RSRC1: variants seen among roughly 807,000 people sequenced by gnomAD.
RSRC1 encodes arginine and serine rich coiled-coil 1.
RSRC1 carries 39 observed loss-of-function variants against 49.1 expected under a neutral mutation model. The ratio of observed to expected loss-of-function variants is 0.79; its 90% CI spans 0.61 to 1.04. The LOEUF is 1.04. Ranked by LOEUF, RSRC1 falls within the 50% of genes least tolerant of loss-of-function variation. The pLI, the probability that RSRC1 is intolerant of heterozygous loss-of-function variation, is 0.00. For missense variants in RSRC1, 388 were observed against 402.4 expected (o/e 0.96, Z 0.31); for synonymous variants, 143 against 130.8 (o/e 1.09, Z -0.63).
At chr3:158,194,597 T>C (rs1220760159) in intron 3 of RSRC1, among the ~76,000 whole-genome samples, 2 of 151,562 alleles carry the variant, frequency 1.3e-5, no homozygotes, top group East Asian at 3.9e-4. Context: ...GCTGCACCCA[T>C]TAACTCGTCG....
At chr3:158,443,596 C>T (rs1033631067) in intron 6 of RSRC1, among the ~76,000 whole-genome samples, 6 of 152,158 alleles carry the variant, frequency 3.9e-5, no homozygotes, top group African/African-American at 1.4e-4. Flanking sequence ...TCTACCTAGA[C>T]CACTCAAACT....
intron 4 of RSRC1, among the ~76,000 whole-genome samples, chr3:158,258,728 T>C (rs1724719233): frequency 6.6e-6 from 1 of 152,156 alleles, no homozygotes; most frequent in Non-Finnish European, 1.5e-5. Context: ...GTGTGCTTCA[T>C]GTTTTTTTAT....
chr3:158,190,133 C>T (rs1720152417), intron 3 of RSRC1, among the ~76,000 whole-genome samples: 1 of 151,934 alleles, frequency 6.6e-6, no homozygotes, highest in African/African-American at 2.4e-5. Context: ...AGACTGATAT[C>T]AACTTGTCTT....
rs544413563 is a variant in RSRC1, at chr3:158,196,422, G to T, written c.321-6650G>T. ...GGGGCTGAGACAGTGGGATTTTCTA[G>T]ATATACAATCACGTCATCTGCAAAC... On this transcript the variant is annotated intron_variant, in intron 3 of 9. Transcript: ENST00000611884. 1.9e-3 allele frequency among the ~76,000 whole-genome samples: 288 copies of T among 152,246 alleles called. 2 individuals are homozygous for T. The highest frequency in any genetic ancestry group is 6.7e-3 in the African/African-American group (278 of 41,544).
At chr3:158,478,947 G>GA (rs1491197957) in intron 7 of RSRC1, among the ~76,000 whole-genome samples, 2,156 of 44,550 alleles carry the variant, frequency 0.048, 63 homozygotes, top group African/African-American at 0.17. Flanking sequence ...AGGAGAAAAA[G>GA]CAAAAAAAAA....
intron 3 of RSRC1, among the ~76,000 whole-genome samples, chr3:158,200,845 TA>T (rs1721003754): frequency 1.3e-5 from 2 of 152,128 alleles, no homozygotes; most frequent in East Asian, 3.8e-4. Flanking sequence ...AACCTTAGAG[TA>T]AAATGCTATT....
At chr3:158,223,362 A>C (rs1287224833) in intron 4 of RSRC1, among the ~76,000 whole-genome samples, 1 of 151,670 alleles carries the variant, frequency 6.6e-6, no homozygotes, top group East Asian at 1.9e-4. Context: ...GATTGTAAAT[A>C]TTTTAGGCTT....
intron 4 of RSRC1, among the ~76,000 whole-genome samples, chr3:158,213,023 C>T (rs1181376592): frequency 6.6e-6 from 1 of 151,894 alleles, no homozygotes; most frequent in Non-Finnish European, 1.5e-5. Flanking sequence ...AACCATAATG[C>T]TTGATTGACA....
At chr3:158,461,936 A>C (rs1310525613) in intron 7 of RSRC1, among the ~76,000 whole-genome samples, 1 of 151,452 alleles carries the variant, frequency 6.6e-6, no homozygotes, top group East Asian at 1.9e-4. Flanking sequence ...GATTCAGTAA[A>C]ACCCAAAGTA....
intron 5 of RSRC1, among the ~76,000 whole-genome samples, chr3:158,350,062 A>G (rs950248402): frequency 1.3e-5 from 2 of 149,412 alleles, no homozygotes; most frequent in Non-Finnish European, 3.0e-5. Flanking sequence ...AGTCATATTT[A>G]TATTCTCTAT....
intron 6 of RSRC1, among the ~76,000 whole-genome samples, chr3:158,457,431 T>G (rs924167016): frequency 1.3e-5 from 2 of 152,096 alleles, no homozygotes; most frequent in African/African-American, 4.8e-5. Context: ...AGAGATAGAT[T>G]GTGAGTTCAA....
At chr3:158,426,431 T>A (rs557844678) in intron 6 of RSRC1, among the ~76,000 whole-genome samples, 15 of 151,524 alleles carry the variant, frequency 9.9e-5, no homozygotes, top group Admixed American at 5.9e-4. Flanking sequence ...GGAGAGTAAC[T>A]CTAGTGGTCA....
intron 4 of RSRC1, among the ~76,000 whole-genome samples, chr3:158,267,326 G>C (rs77850462): frequency 0.024 from 3,674 of 152,086 alleles, 158 homozygotes; most frequent in African/African-American, 0.084. Flanking sequence ...AGTGATTTTT[G>C]TTCATGTTTA....
chr3:158,379,932 C>A (rs993274907), intron 6 of RSRC1, among the ~76,000 whole-genome samples: 1 of 151,888 alleles, frequency 6.6e-6, no homozygotes, highest in East Asian at 2.0e-4. Context: ...TCTGTCTCTA[C>A]CCACTAGAAT....
intron 4 of RSRC1, among the ~76,000 whole-genome samples, chr3:158,290,392 C>G (rs1390074460): frequency 1.3e-5 from 2 of 152,016 alleles, no homozygotes; most frequent in Non-Finnish European, 2.9e-5. Flanking sequence ...CCTGCCTCAG[C>G]CTCCCAAGTA....
intron 3 of RSRC1, among the ~76,000 whole-genome samples, chr3:158,159,818 A>C (rs13086348): frequency 0.59 from 90,228 of 151,846 alleles, 27,063 homozygotes; most frequent in East Asian, 0.71. Context: ...TCATTATTTG[A>C]CTTACGAGCT....
At chr3:158,357,736 G>A (rs1332753705) in intron 6 of RSRC1, among the ~76,000 whole-genome samples, 1 of 152,138 alleles carries the variant, frequency 6.6e-6, no homozygotes, top group African/African-American at 2.4e-5. Context: ...AATGGATAGG[G>A]AAGTCTAGTA....
Position 158,340,880 on chromosome 3 carries a change from C to G in RSRC1, c.532-13977C>G, listed in dbSNP as rs1350346191. Among the ~76,000 whole-genome samples, 5 of 152,270 alleles carry G rather than the reference C, an allele frequency of 3.3e-5. 1 individual carries two copies. The South Asian group carries it at 1.0e-3, about 32-fold the overall frequency. ...ATGGCTTTGCCCAAAATGCTGATAG[C>G]GATACGGACAATACAATCCAGGCTG... On this transcript the variant is annotated intron_variant, in intron 5 of 9. Coordinates refer to ENST00000611884, the MANE Select transcript of RSRC1 (RefSeq NM_001271838.2).
At chr3:158,110,766 CTT>C (rs962491719) in intron 1 of RSRC1, among the ~76,000 whole-genome samples, 14 of 152,304 alleles carry the variant, frequency 9.2e-5, no homozygotes, top group African/African-American at 3.4e-4. Context: ...ATGTTCCTCT[CTT>C]GAAATATAAA....
Sources: gnomAD v4.1 joint callset for allele counts (sites outside exome capture counted in the v4.1 genomes callset) on GRCh38, gnomAD v4.1.1 for gene constraint, MANE v1.5 for transcripts, NCBI Gene and HGNC (gene_info 2026-07-23, HGNC 2026-07-21) for gene names.